Variants in LOC400499 observed in about 807,000 individuals in gnomAD.
chr16:11,421,942 TACA>T, the LOC400499 span, among the ~76,000 whole-genome samples: 10 of 152,224 alleles, frequency 6.6e-5, no homozygotes, highest in African/African-American at 1.2e-4. Flanking sequence ...CATATTTTAC[TACA>T]ACAAGAAATG....
the LOC400499 span, chr16:11,443,259 G>A: frequency 1.6e-5 from 5 of 316,200 alleles, no homozygotes; most frequent in South Asian, 7.3e-5. Flanking sequence ...AGGAGGCAGA[G>A]GTTGCAATGA....
chr16:11,450,687 G>A, the LOC400499 span: 2 of 1,536,060 alleles, frequency 1.3e-6, no homozygotes, highest in Non-Finnish European at 1.7e-6. Context: ...AGCCCACGCT[G>A]ACCACCAGGT....
chr16:11,493,550 T>C, the LOC400499 span: 8 of 391,440 alleles, frequency 2.0e-5, no homozygotes, highest in African/African-American at 4.1e-5. Context: ...AAATACATGA[T>C]GAATGAACAA....
the LOC400499 span, among the ~76,000 whole-genome samples, chr16:11,415,772 G>C: frequency 6.6e-6 from 1 of 152,030 alleles, no homozygotes; most frequent in East Asian, 1.9e-4. Context: ...AGGCATCCTG[G>C]GTCGGGAACT....
At chr16:11,397,090 T>G in the LOC400499 span, among the ~76,000 whole-genome samples, 1 of 152,196 alleles carries the variant, frequency 6.6e-6, no homozygotes, top group Non-Finnish European at 1.5e-5. Context: ...TGTATCGTCC[T>G]GGCCCCACTG....
chr16:11,381,930 T>A, the LOC400499 span, among the ~76,000 whole-genome samples: 1 of 149,838 alleles, frequency 6.7e-6, no homozygotes, highest in South Asian at 2.1e-4. Flanking sequence ...GGGTCCTGTG[T>A]CTGTTTTCAT....
At chr16:11,389,246 C>G in the LOC400499 span, among the ~76,000 whole-genome samples, 1 of 152,230 alleles carries the variant, frequency 6.6e-6, no homozygotes, top group Non-Finnish European at 1.5e-5. Flanking sequence ...GATCCACCCC[C>G]CCATCTCACC....
chr16:11,492,107 G>C, the LOC400499 span, among the ~76,000 whole-genome samples: 11 of 152,288 alleles, frequency 7.2e-5, no homozygotes, highest in South Asian at 2.3e-3. Flanking sequence ...GCATGGCTAC[G>C]TTCCAATAAA....
At chr16:11,450,893 C>T in the LOC400499 span, 41 of 1,348,822 alleles carry the variant, frequency 3.0e-5, no homozygotes, top group Middle Eastern at 1.8e-4. Flanking sequence ...CTGGAGGTCC[C>T]GAGAGTCTCA....
chr16:11,491,904 T>C, the LOC400499 span: 3 of 397,964 alleles, frequency 7.5e-6, no homozygotes, highest in East Asian at 3.6e-5. Context: ...CCCAGGAGTA[T>C]GATGTCCCTG....
chr16:11,415,055 G>A, the LOC400499 span, among the ~76,000 whole-genome samples: 1 of 152,158 alleles, frequency 6.6e-6, no homozygotes, highest in Non-Finnish European at 1.5e-5. Flanking sequence ...GGATTCCTGA[G>A]GATTATGGGA....
chr16:11,440,637 C>T, the LOC400499 span: 5 of 398,156 alleles, frequency 1.3e-5, no homozygotes, highest in Middle Eastern at 6.2e-4. Flanking sequence ...CCTGCCACCT[C>T]CTCAGACATC....
At chr16:11,436,137 T>G in the LOC400499 span, among the ~76,000 whole-genome samples, 15,219 of 152,148 alleles carry the variant, frequency 0.1, 1,189 homozygotes, top group African/African-American at 0.22. Context: ...GAGTTCTTAC[T>G]GTACAAATGG....
At chr16:11,491,957 T>C in the LOC400499 span, 3 of 395,142 alleles carry the variant, frequency 7.6e-6, no homozygotes, top group Non-Finnish European at 8.9e-6. Flanking sequence ...GCTGTCCTGA[T>C]GCCCCTACTG....
At chr16:11,404,311 A>G in the LOC400499 span, among the ~76,000 whole-genome samples, 1 of 151,870 alleles carries the variant, frequency 6.6e-6, no homozygotes, top group Non-Finnish European at 1.5e-5. Context: ...TTCCTGATGG[A>G]CCCCTGGTGC....
At chr16:11,507,860 G>T in the LOC400499 span, among the ~76,000 whole-genome samples, 1,173 of 152,142 alleles carry the variant, frequency 7.7e-3, 16 homozygotes, top group African/African-American at 0.027. Context: ...CTTGAGCCAG[G>T]GAGGTCAAGG....
chr16:11,439,092 T>TG, the LOC400499 span, among the ~76,000 whole-genome samples: 8 of 151,866 alleles, frequency 5.3e-5, no homozygotes, highest in Admixed American at 1.3e-4. Flanking sequence ...ACAAATTTGG[T>TG]GGGGGGGACA....
At chr16:11,507,839 TG>T in the LOC400499 span, among the ~76,000 whole-genome samples, 3 of 121,612 alleles carry the variant, frequency 2.5e-5, no homozygotes, top group Non-Finnish European at 4.5e-5. Context: ...GAGGCTGAGG[TG>T]GGAGGATCAC....
the LOC400499 span, chr16:11,399,780 C>G: frequency 0.012 from 4,961 of 398,748 alleles, 191 homozygotes; most frequent in African/African-American, 0.091. Flanking sequence ...TGAGCTGCAG[C>G]GTCGCAGGTT....
Sources: gnomAD v4.1 joint callset for allele counts (sites outside exome capture counted in the v4.1 genomes callset) on GRCh38, gnomAD v4.1.1 for gene constraint, MANE v1.5 for transcripts.